MTCL2: variants seen among roughly 807,000 people sequenced by gnomAD.
The protein encoded by MTCL2 is microtubule cross-linking factor 2.
the MTCL2 span, among the ~76,000 whole-genome samples, chr20:36,802,647 G>A: frequency 1.3e-5 from 2 of 152,202 alleles, no homozygotes; most frequent in African/African-American, 4.8e-5. Flanking sequence ...AGGAAAGCAG[G>A]CCTGACAGGC....
At chr20:36,787,738 T>C in the MTCL2 span, among the ~76,000 whole-genome samples, 1 of 149,536 alleles carries the variant, frequency 6.7e-6, no homozygotes, top group Admixed American at 6.7e-5. Context: ...ATACAAAAAT[T>C]AGCTGGGCAT....
the MTCL2 span, chr20:36,794,251 C>G: frequency 6.5e-7 from 1 of 1,550,008 alleles, no homozygotes; most frequent in African/African-American, 1.4e-5. This position sits in a 1 kb window ranked among gnomAD's most constrained non-coding sequence, Gnocchi z 5.4. Context: ...GGAAGCCGGG[C>G]TCGATAATGA....
At chr20:36,815,686 T>C in the MTCL2 span, 1 of 1,606,388 alleles carries the variant, frequency 6.2e-7, no homozygotes. The surrounding 1 kb of genome is among the most constrained non-coding windows in gnomAD (Gnocchi z 5.3). Flanking sequence ...TTCTTGACCT[T>C]GCCGCTGAGC....
the MTCL2 span, among the ~76,000 whole-genome samples, chr20:36,835,275 G>C: frequency 1.6e-4 from 25 of 152,158 alleles, no homozygotes; most frequent in Non-Finnish European, 1.5e-5. Flanking sequence ...TCCTGTCAAC[G>C]GTGAGGACCA....
At chr20:36,793,292 C>T in the MTCL2 span, 66 of 1,551,876 alleles carry the variant, frequency 4.3e-5, 1 homozygote, top group Middle Eastern at 3.3e-3. This position sits in a 1 kb window ranked among gnomAD's most constrained non-coding sequence, Gnocchi z 6.8. Context: ...CCGGAGGACA[C>T]CATCCTTCCC....
At chr20:36,851,435 C>T in the MTCL2 span, among the ~76,000 whole-genome samples, 1 of 152,338 alleles carries the variant, frequency 6.6e-6, no homozygotes, top group South Asian at 2.1e-4. Flanking sequence ...CCATCTTCAT[C>T]TCCCTCGACG....
At chr20:36,795,808 C>T in the MTCL2 span, among the ~76,000 whole-genome samples, 1 of 151,708 alleles carries the variant, frequency 6.6e-6, no homozygotes, top group Non-Finnish European at 1.5e-5. Context: ...AAACAAAACA[C>T]ACGCCCAAAC....
the MTCL2 span, among the ~76,000 whole-genome samples, chr20:36,789,873 A>G: frequency 6.6e-6 from 1 of 151,768 alleles, no homozygotes; most frequent in South Asian, 2.1e-4. Context: ...CTCAGGCTGG[A>G]GTGCAGTGGT....
At chr20:36,844,316 G>A in the MTCL2 span, among the ~76,000 whole-genome samples, 2 of 151,918 alleles carry the variant, frequency 1.3e-5, no homozygotes, top group Non-Finnish European at 2.9e-5. Context: ...AGCACTCTGA[G>A]AGGCTGAGGC....
chr20:36,853,985 T>G, the MTCL2 span, among the ~76,000 whole-genome samples: 1 of 152,142 alleles, frequency 6.6e-6, no homozygotes, highest in Non-Finnish European at 1.5e-5. Context: ...ACCCTCTGGG[T>G]TGCAGCGAAA....
the MTCL2 span, among the ~76,000 whole-genome samples, chr20:36,798,005 C>G: frequency 6.6e-6 from 1 of 152,178 alleles, no homozygotes; most frequent in African/African-American, 2.4e-5. Flanking sequence ...CTTCTCTCCC[C>G]TCTTTGGAGC....
the MTCL2 span, chr20:36,785,361 GTAAAT>G: frequency 5.1e-6 from 5 of 984,454 alleles, no homozygotes; most frequent in African/African-American, 8.7e-5. Flanking sequence ...GGACTTTGGG[GTAAAT>G]TAAATTATTA....
the MTCL2 span, chr20:36,805,702 T>C: frequency 7.7e-6 from 5 of 646,844 alleles, 1 homozygote; most frequent in South Asian, 1.1e-4. Context: ...CAGTCCATCA[T>C]CTGGACTCTG....
At chr20:36,813,968 G>C in the MTCL2 span, among the ~76,000 whole-genome samples, 1 of 152,008 alleles carries the variant, frequency 6.6e-6, no homozygotes, top group African/African-American at 2.4e-5. Flanking sequence ...TCTTTGCACA[G>C]GCTATTTGCT....
At chr20:36,828,787 C>T in the MTCL2 span, 1 of 398,638 alleles carries the variant, frequency 2.5e-6, no homozygotes, top group African/African-American at 2.1e-5. Context: ...TGATGAATGA[C>T]TCTCTCTCTC....
chr20:36,793,074 T>C, the MTCL2 span: 1 of 778,548 alleles, frequency 1.3e-6, no homozygotes, highest in African/African-American at 1.8e-5. The surrounding 1 kb of genome is among the most constrained non-coding windows in gnomAD (Gnocchi z 6.8). Context: ...CTGGCCAATT[T>C]TTGTATTTTT....
chr20:36,814,964 G>A, the MTCL2 span, among the ~76,000 whole-genome samples: 6 of 151,448 alleles, frequency 4.0e-5, no homozygotes, highest in African/African-American at 1.2e-4. Context: ...AGGAGAGTGA[G>A]GGGGGGAGAA....
At chr20:36,809,941 C>T in the MTCL2 span, 1 of 1,574,888 alleles carries the variant, frequency 6.3e-7, no homozygotes, top group Admixed American at 1.8e-5. Flanking sequence ...CTCAGAGAGG[C>T]TGTAGGAATA....
the MTCL2 span, chr20:36,863,353 C>G: frequency 7.7e-6 from 9 of 1,168,062 alleles, no homozygotes; most frequent in Non-Finnish European, 9.5e-6. This position sits in a 1 kb window ranked among gnomAD's most constrained non-coding sequence, Gnocchi z 6.2. Context: ...ATCGCGGCCT[C>G]CCTCGGCCTC....
Sources: allele counts gnomAD v4.1 joint callset (sites outside exome capture counted in the v4.1 genomes callset), GRCh38; gene constraint gnomAD v4.1.1; non-coding constraint Gnocchi (gnomAD v3.1); transcripts MANE v1.5; gene names NCBI Gene and HGNC (gene_info 2026-07-23, HGNC 2026-07-21).